CDC14B: variants seen among roughly 807,000 people sequenced by gnomAD.
CDC14B encodes cell division cycle 14B.
A neutral mutation model predicts 64.2 loss-of-function variants in CDC14B; 22 were observed. That is an observed-to-expected ratio of 0.34 (90% confidence interval 0.24 to 0.49). The LOEUF (loss-of-function observed/expected upper bound fraction) is 0.49. Among genes scored for constraint, CDC14B ranks in the 20% least tolerant of loss-of-function variants. The probability of loss-of-function intolerance (pLI) is 0.99; values close to 1 mark genes in which losing one functional copy is unlikely to be tolerated. For synonymous variants in CDC14B, 191 were observed against 215.8 expected (o/e 0.89, Z 1.01); for missense variants, 498 against 629.9 (o/e 0.79, Z 2.24).
chr9:96,564,243 G>A (rs1843614821), intron 3 of CDC14B, among the ~76,000 whole-genome samples: 1 of 152,104 alleles, frequency 6.6e-6, no homozygotes, highest in South Asian at 2.1e-4. Flanking sequence ...ATATACTTGT[G>A]TAACTCTCAG....
chr9:96,585,133 G>A (rs745430622), intron 1 of CDC14B, among the ~76,000 whole-genome samples: 1 of 151,934 alleles, frequency 6.6e-6, no homozygotes, highest in Non-Finnish European at 1.5e-5. Context: ...CAACTTCTCA[G>A]AGAGATTTAA....
At chr9:96,557,204 G>A (rs960776682) in intron 4 of CDC14B, among the ~76,000 whole-genome samples, 7 of 152,218 alleles carry the variant, frequency 4.6e-5, no homozygotes, top group Non-Finnish European at 1.0e-4. Flanking sequence ...CCACAGGGCC[G>A]GCTCCCAAGG....
At chr9:96,496,292 C>G (rs759613109), downstream of CDC14B, 3 of 513,466 alleles carry the variant, frequency 5.8e-6, no homozygotes, top group South Asian at 2.9e-5. Context: ...CAGGTCTAGT[C>G]CTTGTGGATC....
Position 96,565,490 on chromosome 9 carries a change from T to C in CDC14B, c.161-7A>G, listed in dbSNP as rs1430743553. The C allele has an allele frequency of 9.5e-6, 15 of 1,581,036 alleles. No homozygotes were observed. The highest frequency in any genetic ancestry group is 1.3e-5 in the Non-Finnish European group (15 of 1,149,936). Reference sequence around the variant, plus strand: ...ATGGCAAAACAAAGGCGATCTGAAATGGAAAAATTGCAATGTTCCTTCCTG... The same window carrying C: ...ATGGCAAAACAAAGGCGATCTGAAACGGAAAAATTGCAATGTTCCTTCCTG... On this transcript the variant is annotated splice_region_variant and splice_polypyrimidine_tract_variant and intron_variant, in intron 1 of 13. Coordinates refer to ENST00000375241, the MANE Select transcript of CDC14B (RefSeq NM_033331.4).
At chr9:96,523,788 C>T in intron 9 of CDC14B, 63 bp from the exon 10 acceptor site, 7 of 1,559,388 alleles carry the variant, frequency 4.5e-6, no homozygotes, top group Admixed American at 1.8e-5. Flanking sequence ...TTTTGTTGGG[C>T]AGGCAGAATT....
At chr9:96,604,372 ATTATTAT>A (rs1433206538) in intron 1 of CDC14B, among the ~76,000 whole-genome samples, 3 of 146,396 alleles carry the variant, frequency 2.0e-5, no homozygotes, top group Admixed American at 1.4e-4. Context: ...TATTATTATT[ATTATTAT>A]TATTATTATT....
intron 9 of CDC14B, among the ~76,000 whole-genome samples, chr9:96,530,394 G>C (rs912603859): frequency 6.7e-6 from 1 of 148,344 alleles, no homozygotes. Flanking sequence ...CCAGATTCAC[G>C]CAATTCTCCT....
At chr9:96,530,575 T>C (rs1435131730) in intron 9 of CDC14B, among the ~76,000 whole-genome samples, 3 of 151,872 alleles carry the variant, frequency 2.0e-5, no homozygotes, top group African/African-American at 7.3e-5. Context: ...CCATTGCACC[T>C]GGCCCAGGGT....
chr9:96,536,314 T>C (rs913104717), intron 7 of CDC14B, among the ~76,000 whole-genome samples: 1 of 152,220 alleles, frequency 6.6e-6, no homozygotes, highest in Non-Finnish European at 1.5e-5. Context: ...ACTTAGTGCC[T>C]ATATTATTCA....
At position 96,515,510 on chromosome 9, in the gene CDC14B, G is replaced by A; in HGVS notation, c.1344-5721C>T. ...CCTCCCCACCACCATCCCATTAATTGAAAAGATTCAGAAAAAGAACCTTTG... is the reference window on the plus strand; with the variant it reads ...CCTCCCCACCACCATCCCATTAATTAAAAAGATTCAGAAAAAGAACCTTTG... On this transcript the variant is annotated intron_variant, in intron 12 of 13. Transcript: ENST00000375241. This position sits in a 1 kb window ranked among gnomAD's most constrained non-coding sequence, Gnocchi z 4.3. 1.2e-6 allele frequency: 1 copy of A among 802,604 alleles called. No individual in the cohort carries two copies. The highest frequency in any genetic ancestry group is 1.7e-5 in the African/African-American group (1 of 57,540). The allele number at this position is 802,604 out of a possible 1,614,324, so 49.7% of individuals were successfully genotyped here.
intron 9 of CDC14B, among the ~76,000 whole-genome samples, chr9:96,527,389 A>G (rs923369643): frequency 1.3e-5 from 2 of 152,106 alleles, no homozygotes; most frequent in African/African-American, 4.8e-5. Context: ...ACAGAGCAAG[A>G]CTCCGTCTCA....
intron 1 of CDC14B, among the ~76,000 whole-genome samples, chr9:96,583,587 G>A (rs987888285): frequency 6.6e-6 from 1 of 151,746 alleles, no homozygotes; most frequent in Non-Finnish European, 1.5e-5. Flanking sequence ...AGTAGAAACC[G>A]GGTTTCACAT....
chr9:96,497,462 C>G (rs2181071), downstream of CDC14B, among the ~76,000 whole-genome samples: 1 of 152,118 alleles, frequency 6.6e-6, no homozygotes, highest in Non-Finnish European at 1.5e-5. Flanking sequence ...CTGCGCCAAC[C>G]GCTTGGAAGA....
At chr9:96,595,135 G>A (rs1224744753) in intron 1 of CDC14B, among the ~76,000 whole-genome samples, 1 of 152,160 alleles carries the variant, frequency 6.6e-6, no homozygotes, top group Admixed American at 6.5e-5. Context: ...TGGAGGGAGA[G>A]CGAGATTCCG....
intron 1 of CDC14B, among the ~76,000 whole-genome samples, chr9:96,616,709 G>GC (rs1847652864): frequency 6.6e-6 from 1 of 150,846 alleles, no homozygotes; most frequent in Non-Finnish European, 1.5e-5. Flanking sequence ...GGGCAACAGA[G>GC]CGAGACTCTG....
At chr9:96,559,868 T>C (rs188651870) in intron 4 of CDC14B, among the ~76,000 whole-genome samples, 173 of 152,308 alleles carry the variant, frequency 1.1e-3, no homozygotes, top group African/African-American at 3.9e-3. Context: ...CTAAGATATA[T>C]TAACTATAGA....
In CDC14B at chr9:96,504,667, C is replaced by A. The variant is rs192023523; in HGVS notation, c.1461-878G>T. ...AACATTTGGAGACAACCTTCTGGGA[C>A]TCCTCTCCTGATGGACTTTGGAGAT... On this transcript the variant is annotated intron_variant, in intron 13 of 13. Transcript: ENST00000375241. 3.7e-3 allele frequency among the ~76,000 whole-genome samples: 563 copies of A among 152,310 alleles called. 2 individuals carry two copies. Among genetic ancestry groups the A allele is most frequent in the Non-Finnish European group, 6.6e-3 (452 of 68,018 alleles).
rs943232099 is a variant in CDC14B at position 96,588,514 on chromosome 9, G to A, written c.161-23031C>T. Among the ~76,000 whole-genome samples the A allele has an allele frequency of 2.6e-5, 4 of 152,098 alleles. 1 individual carries two copies. The East Asian group carries it at 7.7e-4, about 29-fold the overall frequency. ...GCTTTTCTTGTTGTTTTTGCGATAGGGCTCATCTGTCGCCCAGGCTGGAGC... is the reference window on the plus strand; with the variant it reads ...GCTTTTCTTGTTGTTTTTGCGATAGAGCTCATCTGTCGCCCAGGCTGGAGC... On this transcript the variant is annotated intron_variant, in intron 1 of 13. Transcript: ENST00000375241.
downstream of CDC14B, among the ~76,000 whole-genome samples, chr9:96,495,391 G>GCCCCC (rs71499002): frequency 1.4e-5 from 2 of 140,084 alleles, no homozygotes; most frequent in Non-Finnish European, 3.1e-5. Flanking sequence ...CATGTGTGCT[G>GCCCCC]CCCCCCCCCG....
Sources: allele counts gnomAD v4.1 joint callset (sites outside exome capture counted in the v4.1 genomes callset), GRCh38; gene constraint gnomAD v4.1.1; non-coding constraint Gnocchi (gnomAD v3.1); transcripts MANE v1.5; gene names NCBI Gene and HGNC (gene_info 2026-07-23, HGNC 2026-07-21).